Variants in EML6 observed in about 807,000 individuals in gnomAD.
The protein encoded by EML6 is EMAP like 6, also known as echinoderm microtubule-associated protein-like 6.
EML6 carries 154 observed loss-of-function variants against 240.1 expected under a neutral mutation model. The observed-to-expected ratio is 0.64, with a 90% CI of 0.56 to 0.73. The LOEUF (loss-of-function observed/expected upper bound fraction) is 0.73. Among genes scored for constraint, EML6 ranks in the 30% least tolerant of loss-of-function variants. EML6 has a pLI of 0.00. For synonymous variants in EML6, 1,148 were observed against 899.0 expected, an observed-to-expected ratio of 1.28 and a Z score of -4.95; for missense variants, 2,964 against 2,474.6, an observed-to-expected ratio of 1.20 and a Z score of -4.20.
intron 13 of EML6, 32 bp from the exon 14 acceptor site, chr2:54,866,734 A>C: frequency 7.5e-7 from 1 of 1,337,528 alleles, no homozygotes; most frequent in South Asian, 1.3e-5. Context: ...GATGAAAGGC[A>C]TCTCACCCAG....
intron 10 of EML6, among the ~76,000 whole-genome samples, chr2:54,850,893 C>A (rs149001737): frequency 6.6e-5 from 10 of 152,144 alleles, no homozygotes; most frequent in Non-Finnish European, 1.5e-4. Context: ...GAGCTACTTG[C>A]ATCAGTAGGG....
intron 19 of EML6, among the ~76,000 whole-genome samples, chr2:54,893,522 G>A (rs1438818): frequency 0.57 from 86,121 of 152,058 alleles, 24,777 homozygotes; most frequent in African/African-American, 0.64. Flanking sequence ...CCACATCTTA[G>A]TACTGTTACA....
chr2:54,791,147 G>T (rs1260251485), intron 2 of EML6, among the ~76,000 whole-genome samples: 2 of 152,074 alleles, frequency 1.3e-5, no homozygotes, highest in African/African-American at 2.4e-5. Context: ...GAGAAATTCA[G>T]AGAGGTGAGG....
intron 17 of EML6, among the ~76,000 whole-genome samples, chr2:54,883,991 G>C (rs1397191786): frequency 6.6e-6 from 1 of 152,142 alleles, no homozygotes; most frequent in Non-Finnish European, 1.5e-5. Context: ...AATCTGCACA[G>C]AGACTTCTGT....
At chr2:54,919,469 A>G (rs1015888139) in intron 26 of EML6, among the ~76,000 whole-genome samples, 3 of 152,126 alleles carry the variant, frequency 2.0e-5, no homozygotes, top group Non-Finnish European at 4.4e-5. Flanking sequence ...TTAGGTTATC[A>G]TGGTGAGTAG....
intron 22 of EML6, 98 bp downstream of exon 22, chr2:54,899,880 A>G (rs1374020721): frequency 1.7e-6 from 2 of 1,178,194 alleles, no homozygotes; most frequent in Admixed American, 2.5e-5. Context: ...GGCACGTGTT[A>G]TATGCCCATA....
chr2:54,963,032 C>G (rs1676591890), intron 36 of EML6, among the ~76,000 whole-genome samples: 1 of 149,898 alleles, frequency 6.7e-6, no homozygotes, highest in Non-Finnish European at 1.5e-5. Context: ...GTATTTCTGT[C>G]AAAATCCCAA....
intron 2 of EML6, among the ~76,000 whole-genome samples, chr2:54,738,557 A>G (rs1228115139): frequency 6.6e-6 from 1 of 152,188 alleles, no homozygotes; most frequent in East Asian, 1.9e-4. Flanking sequence ...ACAGCACCTC[A>G]TGCCCTTTTC....
intron 21 of EML6, among the ~76,000 whole-genome samples, chr2:54,899,216 T>G (rs1672929812): frequency 6.6e-6 from 1 of 152,238 alleles, no homozygotes; most frequent in Admixed American, 6.5e-5. Flanking sequence ...CCTGCATCTT[T>G]TAGAATATGA....
At position 54,922,348 on chromosome 2, in the gene EML6, A is replaced by G. The variant is rs557671565; in HGVS notation, c.3675+5413A>G. Reference sequence around the variant, plus strand: ...AGGGAAATGTAAGTCAAAATCACAGATATCACCTCACACCTGTTAGGATGT... The same window carrying G: ...AGGGAAATGTAAGTCAAAATCACAGGTATCACCTCACACCTGTTAGGATGT... On this transcript the variant is annotated intron_variant, in intron 26 of 41. Transcript: ENST00000356458. 1.1e-3 allele frequency among the ~76,000 whole-genome samples: 163 copies of G among 152,274 alleles called. 2 individuals carry two copies. The highest frequency in any genetic ancestry group is 3.8e-3 in the African/African-American group (157 of 41,536).
At chr2:54,961,954 A>G (rs1474320451) in intron 35 of EML6, among the ~76,000 whole-genome samples, 1 of 151,796 alleles carries the variant, frequency 6.6e-6, no homozygotes, top group Non-Finnish European at 1.5e-5. Flanking sequence ...CAGTGAGCCA[A>G]GATGTCACCA....
chr2:54,828,151 C>A (rs12618178), intron 6 of EML6, among the ~76,000 whole-genome samples: 21,997 of 152,166 alleles, frequency 0.14, 1,915 homozygotes, highest in Admixed American at 0.19. Flanking sequence ...ATAGTTTGAA[C>A]AGGAAAGGTG....
At chr2:54,842,715 C>G (rs1031310298) in intron 7 of EML6, among the ~76,000 whole-genome samples, 5 of 151,994 alleles carry the variant, frequency 3.3e-5, no homozygotes, top group Non-Finnish European at 7.4e-5. Flanking sequence ...AATAACAAAC[C>G]CAGTAAGGAA....
chr2:54,921,234 T>A (rs1201474150), intron 26 of EML6, among the ~76,000 whole-genome samples: 2 of 152,084 alleles, frequency 1.3e-5, no homozygotes, highest in Non-Finnish European at 2.9e-5. Context: ...CAAAAGCTAT[T>A]AGAATTAATA....
chr2:54,777,474 CT>C (rs1039980304), intron 2 of EML6, among the ~76,000 whole-genome samples: 7 of 152,192 alleles, frequency 4.6e-5, no homozygotes, highest in Admixed American at 6.5e-5. Flanking sequence ...GACCTCAAAA[CT>C]TTTGGTCCAC....
At chr2:54,862,142 G>T (rs531710174) in intron 12 of EML6, among the ~76,000 whole-genome samples, 20 of 151,816 alleles carry the variant, frequency 1.3e-4, no homozygotes, top group African/African-American at 4.8e-4. Flanking sequence ...TTGAACACCA[G>T]CCTGGCCAAC....
At chr2:54,749,692 G>A (rs1684071703) in intron 2 of EML6, among the ~76,000 whole-genome samples, 1 of 152,082 alleles carries the variant, frequency 6.6e-6, no homozygotes, top group Non-Finnish European at 1.5e-5. Context: ...TACTGAAGAA[G>A]AAACTGAGGC....
At chr2:54,849,110 A>C (rs2103733427) in intron 9 of EML6, among the ~76,000 whole-genome samples, 1 of 152,374 alleles carries the variant, frequency 6.6e-6, no homozygotes, top group Admixed American at 6.5e-5. Context: ...GTTAAACATG[A>C]AAGCAAATGT....
At chr2:54,968,915 G>T (rs183070476) in intron 41 of EML6, 147 bp downstream of exon 41, 28 of 591,454 alleles carry the variant, frequency 4.7e-5, no homozygotes, top group African/African-American at 4.5e-4. Context: ...GAGTCCTCAT[G>T]AAGGCAAGTA....
Sources: gnomAD v4.1 joint callset for allele counts (sites outside exome capture counted in the v4.1 genomes callset) on GRCh38, gnomAD v4.1.1 for gene constraint, MANE v1.5 for transcripts, NCBI Gene and HGNC (gene_info 2026-07-23, HGNC 2026-07-21) for gene names.